Variants in PTPRN2 observed in about 807,000 individuals in gnomAD.
PTPRN2 encodes the protein receptor-type tyrosine-protein phosphatase N2.
PTPRN2 carries 74 observed loss-of-function variants against 118.8 expected under a neutral mutation model. The observed-to-expected ratio is 0.62, with a 90% CI of 0.52 to 0.76. PTPRN2 has a LOEUF of 0.76. PTPRN2 is among the 30% of genes least tolerant of loss of function. The pLI, the probability that PTPRN2 is intolerant of heterozygous loss-of-function variation, is 0.00. For missense variants in PTPRN2, 1,481 were observed against 1,394.4 expected, an observed-to-expected ratio of 1.06 and a Z score of -0.99; for synonymous variants, 641 against 608.0, an observed-to-expected ratio of 1.05 and a Z score of -0.80.
chr7:158,465,278 G>A (rs760590216), intron 2 of PTPRN2, among the ~76,000 whole-genome samples: 7 of 152,172 alleles, frequency 4.6e-5, no homozygotes, highest in Admixed American at 6.5e-5. Context: ...AGACTGTCTT[G>A]ATTCTCCCAC....
At chr7:157,561,930 C>T (rs371420806) in intron 21 of PTPRN2, among the ~76,000 whole-genome samples, 4 of 152,224 alleles carry the variant, frequency 2.6e-5, no homozygotes, top group African/African-American at 9.6e-5. Flanking sequence ...GTGGACGCTG[C>T]CCTGCCATCA....
At chr7:158,340,824 C>T (rs62493621) in intron 2 of PTPRN2, among the ~76,000 whole-genome samples, 1 of 88,666 alleles carries the variant, frequency 1.1e-5, no homozygotes, top group African/African-American at 4.3e-5. Flanking sequence ...ATGTCACTCA[C>T]ACCCACACTC....
intron 2 of PTPRN2, among the ~76,000 whole-genome samples, chr7:158,457,518 C>G (rs149586194): frequency 6.7e-6 from 1 of 148,198 alleles, no homozygotes; most frequent in African/African-American, 2.5e-5. Flanking sequence ...CTCTCCAGGG[C>G]GAGCCTGGCC....
At chr7:158,102,081 C>T (rs1296963741) in intron 10 of PTPRN2, among the ~76,000 whole-genome samples, 1 of 152,190 alleles carries the variant, frequency 6.6e-6, no homozygotes. Flanking sequence ...AAACTGGACC[C>T]ATGTGGCAGG....
chr7:157,743,848 C>T (rs1210374098), intron 12 of PTPRN2, among the ~76,000 whole-genome samples: 1 of 152,202 alleles, frequency 6.6e-6, no homozygotes, highest in Non-Finnish European at 1.5e-5. Flanking sequence ...TAGTTATTTC[C>T]AGGTTGGCTG....
chr7:158,460,279 G>A (rs1279620901), intron 2 of PTPRN2, among the ~76,000 whole-genome samples: 2 of 149,664 alleles, frequency 1.3e-5, no homozygotes, highest in African/African-American at 4.9e-5. Flanking sequence ...TCCAGCTGCA[G>A]AATGGGACTC....
chr7:157,571,445 A>G lies in PTPRN2; in HGVS notation c.2832T>C (p.His944=). Residue 944 remains histidine (H), a synonymous_variant, in exon 20 of 23, where the codon CAT becomes CAC. Transcript: ENST00000389418. ...YRGRSCPIIV[H]CSDGAGRSGT... is the part of the protein sequence containing the mutation. ...CCATTAAAAGTTGTACTTGCCTGCA[A>G]TGAACAATTATTGGACAAGAACGGC... is the stretch of plus-strand genomic sequence containing the variant. 6 of 1,608,638 alleles carry G rather than the reference A, an allele frequency of 3.7e-6. No homozygotes were observed. Among genetic ancestry groups the G allele is most frequent in the Non-Finnish European group, 5.1e-6 (6 of 1,177,050 alleles).
rs371004322 is a variant in PTPRN2 at position 157,920,533 on chromosome 7, C to T, written c.1724-21796G>A. On this transcript the variant is annotated intron_variant, in intron 11 of 22. Coordinates refer to ENST00000389418, the MANE Select transcript of PTPRN2 (RefSeq NM_002847.5). ...CTTCTTTTGAACATGAAGTTCTAGCCAGCGAGGACAAATGCTGAGATGTTT... is the reference window on the plus strand; with the variant it reads ...CTTCTTTTGAACATGAAGTTCTAGCTAGCGAGGACAAATGCTGAGATGTTT... Among the ~76,000 whole-genome samples, 11 of 152,306 alleles carry T rather than the reference C, an allele frequency of 7.2e-5. No individual in the cohort carries two copies. In the East Asian group the frequency reaches 7.7e-4, roughly 11 times the overall value.
intron 2 of PTPRN2, among the ~76,000 whole-genome samples, chr7:158,389,925 G>A (rs765428943): frequency 1.3e-5 from 2 of 152,266 alleles, no homozygotes; most frequent in Non-Finnish European, 2.9e-5. Context: ...GACGCGTGGT[G>A]AGGCAGCCCC....
At chr7:157,608,135 T>C (rs1010023636) in intron 15 of PTPRN2, among the ~76,000 whole-genome samples, 7 of 152,178 alleles carry the variant, frequency 4.6e-5, no homozygotes, top group African/African-American at 9.7e-5. Context: ...TGGCACAATA[T>C]TGGATCACTG....
intron 10 of PTPRN2, among the ~76,000 whole-genome samples, chr7:158,101,324 A>C (rs1428584560): frequency 1.3e-5 from 2 of 152,224 alleles, no homozygotes; most frequent in Admixed American, 1.3e-4. Flanking sequence ...CCACATGTAG[A>C]AGAATAAAAC....
intron 11 of PTPRN2, among the ~76,000 whole-genome samples, chr7:158,046,484 C>T (rs1466738510): frequency 6.6e-6 from 1 of 152,204 alleles, no homozygotes; most frequent in Non-Finnish European, 1.5e-5. Flanking sequence ...TCCTGGCATC[C>T]TGACACTGTC....
At chr7:157,919,419 G>A (rs1312196155) in intron 11 of PTPRN2, among the ~76,000 whole-genome samples, 4 of 152,156 alleles carry the variant, frequency 2.6e-5, no homozygotes, top group Non-Finnish European at 5.9e-5. Flanking sequence ...TTCCCCGGAG[G>A]TGGGTTTCGA....
chr7:157,548,671 C>G (rs1798444429), intron 22 of PTPRN2, among the ~76,000 whole-genome samples: 1 of 152,162 alleles, frequency 6.6e-6, no homozygotes, highest in Non-Finnish European at 1.5e-5. Context: ...TCTCCCCCCA[C>G]CCCCAAATCT....
chr7:158,115,499 T>A (rs960343551), intron 9 of PTPRN2, among the ~76,000 whole-genome samples: 6 of 152,120 alleles, frequency 3.9e-5, no homozygotes, highest in Non-Finnish European at 8.8e-5. Flanking sequence ...TTCCAATCTT[T>A]AGCCCCAAGG....
chr7:157,624,277 C>T (rs535603160), intron 14 of PTPRN2, among the ~76,000 whole-genome samples: 12 of 152,194 alleles, frequency 7.9e-5, no homozygotes, highest in South Asian at 2.1e-4. Context: ...AAAAATTAGT[C>T]GGGCATGGTG....
intron 6 of PTPRN2, among the ~76,000 whole-genome samples, chr7:158,157,443 C>A (rs1006468531): frequency 5.6e-4 from 86 of 152,366 alleles, no homozygotes; most frequent in African/African-American, 2.1e-3. Flanking sequence ...AGCCAAACAC[C>A]GGGGAAGAGA....
intron 2 of PTPRN2, among the ~76,000 whole-genome samples, chr7:158,322,415 G>A (rs915909123): frequency 3.3e-5 from 5 of 151,722 alleles, no homozygotes; most frequent in South Asian, 2.1e-4. Context: ...AACAGCGGCC[G>A]ACCTGAGGAC....
rs572701540 is a variant in PTPRN2, at chr7:158,144,854, C to T, written c.911-6339G>A. Among the ~76,000 whole-genome samples, 67 of 152,308 alleles carry T rather than the reference C, an allele frequency of 4.4e-4. 3 individuals are homozygous for T. In the South Asian group the frequency reaches 0.013, roughly 30 times the overall value. On this transcript the variant is annotated intron_variant, in intron 6 of 22. Coordinates refer to ENST00000389418, the MANE Select transcript of PTPRN2 (RefSeq NM_002847.5). ...CCACCCTGAACTTTGCAAAATGATG[C>T]TTATTCCCCTCTCAAACCCACACAG...
Sources: allele counts gnomAD v4.1 joint callset (sites outside exome capture counted in the v4.1 genomes callset), GRCh38; gene constraint gnomAD v4.1.1; transcripts MANE v1.5; gene names NCBI Gene and HGNC (gene_info 2026-07-23, HGNC 2026-07-21).